WDFY2: variants seen among roughly 807,000 people sequenced by gnomAD.
WDFY2 encodes the protein WD repeat and FYVE domain containing 2.
A neutral mutation model predicts 56.4 loss-of-function variants in WDFY2; 36 were observed. That is an observed-to-expected ratio of 0.64 (90% CI 0.49 to 0.84). WDFY2 has a LOEUF of 0.84. Among genes scored for constraint, WDFY2 ranks in the 40% least tolerant of loss-of-function variants. WDFY2 has a pLI of 0.00. For synonymous variants in WDFY2, 176 were observed against 183.7 expected (o/e 0.96, Z 0.34); for missense variants, 444 against 512.2 (o/e 0.87, Z 1.29).
At chr13:51,741,824 T>TAAA (rs1462383733) in intron 7 of WDFY2, among the ~76,000 whole-genome samples, 5 of 152,208 alleles carry the variant, frequency 3.3e-5, no homozygotes, top group African/African-American at 1.2e-4. Flanking sequence ...CTCTGAACCT[T>TAAA]AATTGAGTCC....
intron 1 of WDFY2, among the ~76,000 whole-genome samples, chr13:51,649,270 C>T (rs997549140): frequency 4.6e-5 from 7 of 152,092 alleles, no homozygotes; most frequent in African/African-American, 1.4e-4. Flanking sequence ...GTGCCTCGTG[C>T]TGGGAGCTTA....
At chr13:51,616,675 G>A (rs1436955213) in intron 1 of WDFY2, among the ~76,000 whole-genome samples, 2 of 152,166 alleles carry the variant, frequency 1.3e-5, no homozygotes, top group Non-Finnish European at 2.9e-5. Context: ...AGTGACACAC[G>A]TTTCTTCCAC....
At chr13:51,692,938 G>C (rs1951776321) in intron 3 of WDFY2, among the ~76,000 whole-genome samples, 1 of 152,118 alleles carries the variant, frequency 6.6e-6, no homozygotes, top group Non-Finnish European at 1.5e-5. Context: ...TGTATATGTT[G>C]AGGAATTTAT....
At chr13:51,655,381 T>C (rs969840404) in intron 1 of WDFY2, among the ~76,000 whole-genome samples, 3 of 152,162 alleles carry the variant, frequency 2.0e-5, no homozygotes, top group African/African-American at 7.2e-5. Flanking sequence ...ATTCCTAGTA[T>C]GCTATGTTTT....
In WDFY2 at chr13:51,690,493, A is replaced by G. The variant is rs1338209178; in HGVS notation, c.280-13103A>G. On this transcript the variant is annotated intron_variant, in intron 3 of 11. Transcript: ENST00000298125. ...AGTTTACTGAGAATAATGATTTCCA[A>G]TTTCATCCATGTCCCTACAAAGGAC... 4.0e-5 allele frequency among the ~76,000 whole-genome samples: 6 copies of G among 151,728 alleles called. No individual in the cohort carries two copies. In the East Asian group the frequency reaches 7.7e-4, roughly 20 times the overall value.
At chr13:51,713,609 A>G (rs2138612786) in intron 4 of WDFY2, among the ~76,000 whole-genome samples, 1 of 152,348 alleles carries the variant, frequency 6.6e-6, no homozygotes, top group African/African-American at 2.4e-5. Context: ...GTAGTGGCTC[A>G]CGCCTGTAAT....
In WDFY2 at chr13:51,755,430, T is replaced by C. The variant is rs1953347393; in HGVS notation, c.904T>C (p.Trp302Arg). 1 of 1,614,070 alleles carries C rather than the reference T, an allele frequency of 6.2e-7. No individual in the cohort carries two copies. ...TTTCTTCTGGAACTTCAAGCAAATG[T>C]GGGACAGTAAGAAAATTGGTCTAAG... ...QPFFWNFKQM[W>R]DSKKIGLRQH... The change falls in exon 9 of 12, where the codon TGG becomes CGG. Residue 302 changes from tryptophan to arginine, a missense_variant. By Grantham distance (101) the Trp-to-Arg change is moderately radical (BLOSUM62 -3). Coordinates refer to ENST00000298125, the MANE Select transcript of WDFY2 (RefSeq NM_052950.4).
chr13:51,619,770 T>G (rs1954691058), intron 1 of WDFY2, among the ~76,000 whole-genome samples: 1 of 152,170 alleles, frequency 6.6e-6, no homozygotes, highest in African/African-American at 2.4e-5. Flanking sequence ...TCAGATAACA[T>G]TTATGGACAG....
intron 10 of WDFY2, among the ~76,000 whole-genome samples, chr13:51,757,590 T>G (rs1253791266): frequency 6.6e-6 from 1 of 151,810 alleles, no homozygotes; most frequent in Non-Finnish European, 1.5e-5. Flanking sequence ...GTGGAAGCAC[T>G]TGCATTGCCT....
intron 1 of WDFY2, among the ~76,000 whole-genome samples, chr13:51,625,383 A>C (rs904298088): frequency 1.3e-5 from 2 of 152,222 alleles, no homozygotes; most frequent in Non-Finnish European, 2.9e-5. Flanking sequence ...TTTGCACTGT[A>C]ACGCTCCTGT....
At chr13:51,745,024 T>A (rs1953061895) in intron 7 of WDFY2, among the ~76,000 whole-genome samples, 1 of 152,240 alleles carries the variant, frequency 6.6e-6, no homozygotes, top group Admixed American at 6.5e-5. Flanking sequence ...CCATAAATTA[T>A]GTATTTGTTG....
chr13:51,642,968 G>T (rs114536989), intron 1 of WDFY2, among the ~76,000 whole-genome samples: 1 of 152,146 alleles, frequency 6.6e-6, no homozygotes, highest in Non-Finnish European at 1.5e-5. Flanking sequence ...GAGGCACTGC[G>T]CCCAGCCATG....
intron 3 of WDFY2, among the ~76,000 whole-genome samples, chr13:51,684,173 C>T (rs183600178): frequency 1.3e-5 from 2 of 152,252 alleles, no homozygotes; most frequent in East Asian, 3.9e-4. Flanking sequence ...GACTTCTAAC[C>T]ATATTGGCAC....
chr13:51,661,633 A>G (rs1955615989), intron 2 of WDFY2, among the ~76,000 whole-genome samples: 1 of 152,218 alleles, frequency 6.6e-6, no homozygotes, highest in African/African-American at 2.4e-5. Context: ...TCAAACAACA[A>G]TTTTGCTTGT....
chr13:51,656,865 T>TCTA (rs1273498998), intron 1 of WDFY2, among the ~76,000 whole-genome samples: 1 of 152,042 alleles, frequency 6.6e-6, no homozygotes, highest in Non-Finnish European at 1.5e-5. Context: ...CCTATTTGTG[T>TCTA]CTTTGGGTTT....
At chr13:51,676,871 A>G (rs1955896390) in intron 3 of WDFY2, among the ~76,000 whole-genome samples, 1 of 152,218 alleles carries the variant, frequency 6.6e-6, no homozygotes, top group African/African-American at 2.4e-5. Flanking sequence ...AGTGTTCATT[A>G]CAAAGGAAAT....
chr13:51,759,857 G>C lies in WDFY2; in HGVS notation c.*88G>C. The C allele has an allele frequency of 7.1e-7, 1 of 1,414,926 alleles. No individual in the cohort carries two copies. Among genetic ancestry groups the C allele is most frequent in the South Asian group, 1.2e-5 (1 of 83,716 alleles). The allele number at this position is 1,414,926 out of a possible 1,614,324, so 87.6% of individuals were successfully genotyped here. ...ATTACCAGAGTGGTAAAGCAGACAT[G>C]TGAGAAGTAAGAAAGAAACTAAAGA... On this transcript the variant is annotated 3_prime_UTR_variant, in exon 12 of 12. Coordinates refer to ENST00000298125, the MANE Select transcript of WDFY2 (RefSeq NM_052950.4).
chr13:51,602,453 A>G (rs1380077648), intron 1 of WDFY2, among the ~76,000 whole-genome samples: 1 of 152,132 alleles, frequency 6.6e-6, no homozygotes, highest in African/African-American at 2.4e-5. Context: ...GTATAGATAC[A>G]CTCTATGATG....
At chr13:51,731,431 T>C (rs1231447518) in intron 6 of WDFY2, among the ~76,000 whole-genome samples, 2 of 152,246 alleles carry the variant, frequency 1.3e-5, no homozygotes, top group African/African-American at 4.8e-5. Flanking sequence ...TTAAAGCATT[T>C]TCACTTTATT....
Sources: allele counts gnomAD v4.1 joint callset (sites outside exome capture counted in the v4.1 genomes callset), GRCh38; gene constraint gnomAD v4.1.1; transcripts MANE v1.5; gene names NCBI Gene and HGNC (gene_info 2026-07-23, HGNC 2026-07-21).